MAS1: variants seen among roughly 807,000 people sequenced by gnomAD.
MAS1 encodes the protein proto-oncogene Mas.
For synonymous variants in MAS1, 163 were observed against 164.2 expected (o/e 0.99, Z 0.05); for missense variants, 387 against 409.7 (o/e 0.94, Z 0.48).
At chr6:159,903,383 G>A (rs1271548770) in intron 2 of MAS1, among the ~76,000 whole-genome samples, 1 of 152,136 alleles carries the variant, frequency 6.6e-6, no homozygotes, top group Admixed American at 6.5e-5. Context: ...GCTGAACTAA[G>A]CCGTAGAGAA....
intron 2 of MAS1, among the ~76,000 whole-genome samples, chr6:159,905,669 G>A (rs1287185190): frequency 1.5e-4 from 23 of 152,186 alleles, no homozygotes; most frequent in Admixed American, 1.5e-3. Context: ...CCATTCAAGT[G>A]CCACGAAATA....
At position 159,912,465 on chromosome 6, in the gene MAS1, A is replaced by G. The variant is rs898619035; in HGVS notation, c.*4532A>G. On this transcript the variant is annotated 3_prime_UTR_variant, in exon 3 of 3. Transcript: ENST00000674077. ...ACCCAGCTGTTCAGGCTGCTGAATG[A>G]GATGGTGAGGAGTGGGTGGTAGAAG... The G allele has an allele frequency of 2.0e-5, 3 of 152,212 alleles. No homozygotes were observed. Among genetic ancestry groups the G allele is most frequent in the African/African-American group, 7.2e-5 (3 of 41,454 alleles). The allele number at this position is 152,212 out of a possible 1,614,324, so 9.4% of individuals were successfully genotyped here. A position where few individuals can be genotyped will look rare whatever the true frequency, so the allele number is the denominator to read the frequency against.
chr6:159,906,895 T>G, intron 2 of MAS1, 25 bp from the exon 3 acceptor site: 1 of 1,486,164 alleles, frequency 6.7e-7, no homozygotes, highest in Non-Finnish European at 9.0e-7. Flanking sequence ...TTTTTGTGTT[T>G]GTTTTGTTCT....
chr6:159,895,270 G>A (rs144839267), intron 1 of MAS1, among the ~76,000 whole-genome samples: 114 of 152,280 alleles, frequency 7.5e-4, no homozygotes, highest in African/African-American at 2.6e-3. Flanking sequence ...TTGTTACTAA[G>A]TATGTAACCT....
chr6:159,897,185 T>G (rs1202424237), intron 1 of MAS1, among the ~76,000 whole-genome samples: 2 of 144,460 alleles, frequency 1.4e-5, no homozygotes, highest in African/African-American at 5.8e-5. Flanking sequence ...GAGACTGGGG[T>G]TTTTTTTAAG....
Position 159,910,460 on chromosome 6 carries a change from C to T in MAS1, c.*2527C>T, listed in dbSNP as rs1782952894. The T allele has an allele frequency of 6.6e-6, 1 of 152,290 alleles. No homozygotes were observed. Among genetic ancestry groups the T allele is most frequent in the South Asian group, 2.1e-4 (1 of 4,834 alleles). The allele number at this position is 152,290 out of a possible 1,614,324, so 9.4% of individuals were successfully genotyped here. On this transcript the variant is annotated 3_prime_UTR_variant, in exon 3 of 3. Coordinates refer to ENST00000674077, the MANE Select transcript of MAS1 (RefSeq NM_002377.4). The stretch of plus-strand genomic sequence containing the variant: ...GCATGCAGCCTCTTCTGTTCCCTCC[C>T]CTGCCCACTGGGGTTTCTCCTCAGC...
intron 1 of MAS1, among the ~76,000 whole-genome samples, chr6:159,894,273 G>T (rs1782730425): frequency 6.6e-6 from 1 of 152,038 alleles, no homozygotes; most frequent in Non-Finnish European, 1.5e-5. Context: ...CAAAAAATTA[G>T]TCAGATGTGG....
At chr6:159,890,332 G>A (rs775173245), upstream of MAS1, among the ~76,000 whole-genome samples, 7 of 152,348 alleles carry the variant, frequency 4.6e-5, no homozygotes, top group South Asian at 4.1e-4. Flanking sequence ...CTGCACGGGT[G>A]AGAGTTGGCA....
chr6:159,892,450 C>T (rs145244549), intron 1 of MAS1, among the ~76,000 whole-genome samples: 1 of 152,224 alleles, frequency 6.6e-6, no homozygotes, highest in South Asian at 2.1e-4. Context: ...CCTTTTTTCT[C>T]CCTGCCTTTC....
rs1782970711 is a variant in MAS1, at chr6:159,912,008, A to G, written c.*4075A>G. 6.6e-6 allele frequency: 1 copy of G among 152,328 alleles called. No homozygotes were observed. Among genetic ancestry groups the G allele is most frequent in the Non-Finnish European group, 1.5e-5 (1 of 68,128 alleles). The allele number at this position is 152,328 out of a possible 1,614,324, so 9.4% of individuals were successfully genotyped here. ...GCACCATCAATTTCAGTCCAGGATA[A>G]CGGAGGACAGAATTTTCAGGAATCA... On this transcript the variant is annotated 3_prime_UTR_variant, in exon 3 of 3. Coordinates refer to ENST00000674077, the MANE Select transcript of MAS1 (RefSeq NM_002377.4).
Position 159,907,702 on chromosome 6 carries a change from G to A in MAS1, c.747G>A (p.Leu249=). 6.2e-7 allele frequency: 1 copy of A among 1,613,554 alleles called. No homozygotes were observed. ...CTATGCCCATGAGACTCCTTTACCT[G>A]CTGTACTATGAGTATTGGTCGACCT... The part of the protein sequence containing the change: ...IFAMPMRLLY[L]LYYEYWSTFG... The change falls in exon 3 of 3, where the codon CTG becomes CTA. Residue 249 remains leucine, a synonymous_variant. Coordinates refer to ENST00000674077, the MANE Select transcript of MAS1 (RefSeq NM_002377.4).
In MAS1 at chr6:159,907,004, A is replaced by C; in HGVS notation, c.49A>C (p.Ile17Leu). ...TSFVVEEPTNISTGRNASVGN... is the reference protein window; with the variant it reads ...TSFVVEEPTNLSTGRNASVGN... ...ATTTGTTGTTGAGGAACCCACGAACATCTCAACTGGCAGGAACGCCTCAGT... is the reference window on the plus strand; with the variant it reads ...ATTTGTTGTTGAGGAACCCACGAACCTCTCAACTGGCAGGAACGCCTCAGT... Residue 17 changes from isoleucine (I) to leucine (L), a missense_variant, in exon 3 of 3, where the codon ATC (isoleucine) becomes CTC (leucine). Transcript: ENST00000674077. 6.2e-7 allele frequency: 1 copy of C among 1,612,484 alleles called. No homozygotes were observed. Among genetic ancestry groups the C allele is most frequent in the Non-Finnish European group, 8.5e-7 (1 of 1,178,550 alleles).
At position 159,907,443 on chromosome 6, in the gene MAS1, T is replaced by C; in HGVS notation, c.488T>C (p.Val163Ala). Reference sequence around the variant, plus strand: ...CTTCTGTGGGCTCTTTCTTGCTTGGTGACCACCATGGAGTATGTCATGTGC... The same window carrying C: ...CTTCTGTGGGCTCTTTCTTGCTTGGCGACCACCATGGAGTATGTCATGTGC... ...CALLWALSCLVTTMEYVMCID... is the reference protein window; with the variant it reads ...CALLWALSCLATTMEYVMCID... The change falls in exon 3 of 3, where the codon GTG becomes GCG. Residue 163 changes from valine (V) to alanine (A), a missense_variant. Val to Ala is a moderately conservative substitution (Grantham distance 64). Transcript: ENST00000674077. 1.9e-6 allele frequency: 3 copies of C among 1,614,042 alleles called. No individual in the cohort carries two copies. The highest frequency in any genetic ancestry group is 2.5e-6 in the Non-Finnish European group (3 of 1,180,018).
intron 2 of MAS1, among the ~76,000 whole-genome samples, chr6:159,900,453 TA>T (rs1313315588): frequency 8.5e-5 from 13 of 152,224 alleles, no homozygotes; most frequent in African/African-American, 2.9e-4. Flanking sequence ...CGCCATCTGC[TA>T]TTTCACTTCA....
intron 2 of MAS1, chr6:159,902,374 A>G (rs220729): frequency 0.25 from 38,080 of 152,124 alleles, 5,915 homozygotes; most frequent in East Asian, 0.78. Flanking sequence ...GCTCCTGAGC[A>G]TAGGGAACCA....
At position 159,906,909 on chromosome 6, in the gene MAS1, C is replaced by G. The variant is rs1404286525; in HGVS notation, c.-36-11C>G. 1 of 1,527,708 alleles carries G rather than the reference C, an allele frequency of 6.5e-7. No individual in the cohort carries two copies. Among genetic ancestry groups the G allele is most frequent in the Non-Finnish European group, 8.8e-7 (1 of 1,134,152 alleles). The allele number at this position is 1,527,708 out of a possible 1,614,324, so 94.6% of individuals were successfully genotyped here. The stretch of plus-strand genomic sequence containing the variant: ...CTTTTTGTGTTTGTTTTGTTCTGGA[C>G]ATATTTACAGAAAATTACCTGAAGA... On this transcript the variant is annotated splice_polypyrimidine_tract_variant and intron_variant, in intron 2 of 2. Coordinates refer to ENST00000674077, the MANE Select transcript of MAS1 (RefSeq NM_002377.4).
chr6:159,905,304 G>A (rs2115116828), intron 2 of MAS1, among the ~76,000 whole-genome samples: 1 of 152,358 alleles, frequency 6.6e-6, no homozygotes, highest in Middle Eastern at 3.4e-3. Flanking sequence ...CTACAGCAGG[G>A]CTTTGGTTAG....
chr6:159,907,477 A>C lies in MAS1; in HGVS notation c.522A>C (p.Arg174Ser), dbSNP rs1782906708. ...TTMEYVMCID[R>S]EEESHSRNDC... ...TGGAGTATGTCATGTGCATCGACAG[A>C]GAAGAAGAGAGTCACTCTCGGAATG... Residue 174 changes from arginine to serine, a missense_variant, in exon 3 of 3, where the codon AGA (arginine) becomes AGC (serine). By Grantham distance (110) the Arg-to-Ser change is moderately radical (BLOSUM62 -1). Coordinates refer to ENST00000674077, the MANE Select transcript of MAS1 (RefSeq NM_002377.4). The C allele has an allele frequency of 1.9e-6, 3 of 1,614,008 alleles. No individual in the cohort carries two copies. In the East Asian group the frequency reaches 6.7e-5, roughly 36 times the overall value.
At chr6:159,892,887 C>A (rs769611414) in intron 1 of MAS1, among the ~76,000 whole-genome samples, 2 of 152,218 alleles carry the variant, frequency 1.3e-5, no homozygotes, top group Non-Finnish European at 2.9e-5. Context: ...TATACCCCAG[C>A]CTTTCAAACT....
Sources: gnomAD v4.1 joint callset for allele counts (sites outside exome capture counted in the v4.1 genomes callset) on GRCh38, gnomAD v4.1.1 for gene constraint, MANE v1.5 for transcripts, NCBI Gene and HGNC (gene_info 2026-07-23, HGNC 2026-07-21) for gene names.